The following SYN3 variants were observed in gnomAD, a reference collection of about 807,000 sequenced individuals.
SYN3 encodes the protein synapsin-3.
Under a neutral mutation model 65.8 loss-of-function variants are expected in SYN3, and 35 were observed. The ratio of observed to expected loss-of-function variants is 0.53; its 90% CI spans 0.41 to 0.70. The LOEUF is 0.70. Among genes scored for constraint, SYN3 ranks in the 30% least tolerant of loss-of-function variants. The pLI, the probability that SYN3 is intolerant of heterozygous loss-of-function variation, is 0.00. For missense variants in SYN3, 680 were observed against 749.0 expected, an observed-to-expected ratio of 0.91 and a Z score of 1.08; for synonymous variants, 270 against 292.9, an observed-to-expected ratio of 0.92 and a Z score of 0.80.
intron 3 of SYN3, among the ~76,000 whole-genome samples, chr22:32,964,867 C>G (rs1268962185): frequency 6.6e-6 from 1 of 151,910 alleles, no homozygotes; most frequent in Admixed American, 6.6e-5. Context: ...TTGCCAAGTT[C>G]TTCCCCTTAG....
chr22:32,966,423 T>C (rs2051846687), intron 3 of SYN3, among the ~76,000 whole-genome samples: 1 of 151,888 alleles, frequency 6.6e-6, no homozygotes, highest in African/African-American at 2.4e-5. Context: ...AAGTCTAAGG[T>C]AGAGCACGGG....
At chr22:32,800,315 T>C (rs1162926792) in intron 6 of SYN3, among the ~76,000 whole-genome samples, 1 of 152,034 alleles carries the variant, frequency 6.6e-6, no homozygotes. Context: ...CAAATGGCCA[T>C]TTGCAGTTAG....
At chr22:32,527,790 T>G in intron 12 of SYN3, 128 bp downstream of exon 12, 1 of 759,272 alleles carries the variant, frequency 1.3e-6, no homozygotes. Context: ...ATAGTCTCAT[T>G]CATTCTGTGG....
At chr22:33,013,675 C>T (rs1484254826) in intron 1 of SYN3, among the ~76,000 whole-genome samples, 3 of 152,180 alleles carry the variant, frequency 2.0e-5, no homozygotes, top group Non-Finnish European at 4.4e-5. Context: ...GGGCTTATCT[C>T]TCATAACTGA....
intron 4 of SYN3, among the ~76,000 whole-genome samples, chr22:32,919,746 A>C (rs918016373): frequency 6.6e-6 from 1 of 152,190 alleles, no homozygotes; most frequent in Non-Finnish European, 1.5e-5. Context: ...TCTTGATGGG[A>C]TGTTAGAGAA....
At chr22:33,055,841 T>G (rs17718633) in intron 1 of SYN3, among the ~76,000 whole-genome samples, 12 of 152,124 alleles carry the variant, frequency 7.9e-5, no homozygotes, top group Non-Finnish European at 1.6e-4. Context: ...TCTCCTCTAA[T>G]AGACTGAGCT....
intron 6 of SYN3, among the ~76,000 whole-genome samples, chr22:32,678,586 CCTT>C (rs977102158): frequency 8.6e-5 from 13 of 150,472 alleles, no homozygotes; most frequent in Admixed American, 1.3e-4. Flanking sequence ...CTCTCCTCCT[CCTT>C]CTTCTCCTTC....
intron 6 of SYN3, among the ~76,000 whole-genome samples, chr22:32,724,373 G>C (rs550730321): frequency 6.6e-6 from 1 of 152,074 alleles, no homozygotes. Context: ...ACTACAGAAG[G>C]GTAATTTTGT....
At chr22:32,601,948 T>TC (rs923568868) in intron 6 of SYN3, among the ~76,000 whole-genome samples, 33 of 151,678 alleles carry the variant, frequency 2.2e-4, no homozygotes, top group African/African-American at 4.1e-4. Context: ...TCTTTTCTTT[T>TC]TTTTTTTTTG....
chr22:32,804,726 C>A (rs1332928679), intron 6 of SYN3, among the ~76,000 whole-genome samples: 1 of 152,196 alleles, frequency 6.6e-6, no homozygotes, highest in Non-Finnish European at 1.5e-5. Context: ...GTTTCTATGG[C>A]AACTCCAGGC....
intron 7 of SYN3, among the ~76,000 whole-genome samples, chr22:32,568,511 T>A (rs2058702981): frequency 6.6e-6 from 1 of 152,168 alleles, no homozygotes; most frequent in South Asian, 2.1e-4. Context: ...AGAAACGTAT[T>A]TCTTACTGTT....
chr22:32,667,802 T>C (rs9619295), intron 6 of SYN3, among the ~76,000 whole-genome samples: 2,121 of 143,936 alleles, frequency 0.015, 42 homozygotes, highest in African/African-American at 0.044. Context: ...TTCTTTCTTT[T>C]TTTTTTTTTT....
chr22:32,956,938 C>T (rs188270887), intron 3 of SYN3, among the ~76,000 whole-genome samples: 1 of 152,310 alleles, frequency 6.6e-6, no homozygotes, highest in Admixed American at 6.5e-5. Flanking sequence ...CTCACCAACA[C>T]TTGTTATTTT....
At chr22:32,666,332 A>G (rs969741316) in intron 6 of SYN3, among the ~76,000 whole-genome samples, 1 of 145,500 alleles carries the variant, frequency 6.9e-6, no homozygotes, top group Admixed American at 7.0e-5. Context: ...AATAACCCAA[A>G]CCAAACAATC....
rs977047677 is a variant in SYN3 at position 32,512,643 on chromosome 22, C to T, written c.*1049G>A. ...CAATGCGTCTCCAAAAAAAGAAATA[C>T]AAACAGCGGTTCCTAAACATATTTG... On this transcript the variant is annotated 3_prime_UTR_variant, in exon 14 of 14. Coordinates refer to ENST00000358763, the MANE Select transcript of SYN3 (RefSeq NM_003490.4). The T allele has an allele frequency of 6.6e-6, 1 of 152,240 alleles. No homozygotes were observed. The highest frequency in any genetic ancestry group is 1.9e-4 in the East Asian group (1 of 5,202). 9.4% of individuals were successfully genotyped at this position (152,240 alleles called of 1,614,324 possible). A position where few individuals can be genotyped will look rare whatever the true frequency, so the allele number is the denominator to read the frequency against.
chr22:32,897,305 C>T (rs1307901825), intron 4 of SYN3, among the ~76,000 whole-genome samples: 2 of 152,204 alleles, frequency 1.3e-5, no homozygotes, highest in Non-Finnish European at 2.9e-5. Flanking sequence ...AAGGCCCACA[C>T]TTAGGGAGCC....
At chr22:32,843,800 G>A (rs1262728523) in intron 6 of SYN3, among the ~76,000 whole-genome samples, 1 of 152,112 alleles carries the variant, frequency 6.6e-6, no homozygotes, top group Admixed American at 6.5e-5. Context: ...AGTGACTTCT[G>A]CATTTGAAGA....
chr22:32,899,101 A>AAAAACAAAAC (rs137523), intron 4 of SYN3, among the ~76,000 whole-genome samples: 11,106 of 147,514 alleles, frequency 0.075, 468 homozygotes, highest in Middle Eastern at 0.15. Context: ...ACTCTGTCTC[A>AAAAACAAAAC]AAAACAAAAC....
intron 1 of SYN3, among the ~76,000 whole-genome samples, chr22:33,010,370 G>C (rs1048104277): frequency 6.6e-6 from 1 of 151,900 alleles, no homozygotes; most frequent in African/African-American, 2.4e-5. Context: ...TATGAAGTAG[G>C]GTATGAAGTT....
Sources: allele counts gnomAD v4.1 joint callset (sites outside exome capture counted in the v4.1 genomes callset), GRCh38; gene constraint gnomAD v4.1.1; transcripts MANE v1.5; gene names NCBI Gene and HGNC (gene_info 2026-07-23, HGNC 2026-07-21).